The following DMD variants were observed in gnomAD, a reference collection of about 807,000 sequenced individuals.
The protein encoded by DMD is mutant dystrophin.
In DMD, 63 loss-of-function variants were observed where a neutral mutation model predicts 330.1. That is an observed-to-expected ratio of 0.19 (90% CI 0.16 to 0.24). The LOEUF (loss-of-function observed/expected upper bound fraction) is 0.24, where lower values mean the gene tolerates loss of function less well. Ranked by LOEUF, DMD falls within the 10% of genes least tolerant of loss-of-function variation. The probability of loss-of-function intolerance (pLI) is 1.00; values close to 1 mark genes in which losing one functional copy is unlikely to be tolerated. For missense variants in DMD, 3,344 were observed against 2,684.1 expected, an observed-to-expected ratio of 1.25 and a Z score of -5.43; for synonymous variants, 1,223 against 959.8, an observed-to-expected ratio of 1.27 and a Z score of -5.07.
chrX:32,624,539 T>C (rs1015982871), intron 11 of DMD, among the ~76,000 whole-genome samples: 1 of 111,681 alleles, frequency 9.0e-6, no homozygotes, highest in African/African-American at 3.3e-5. Flanking sequence ...GTGCCCAGTG[T>C]TTCTCAAACT....
In DMD at chrX:31,721,718, CTATA is replaced by C. The variant is rs1226368643; in HGVS notation, c.7660+7909_7660+7912del. Among the ~76,000 whole-genome samples, 493 of 56,404 alleles carry C rather than the reference CTATA, an allele frequency of 8.7e-3. 3 individuals carry two copies. Among genetic ancestry groups the C allele is most frequent in the Middle Eastern group, 0.011 (1 of 92 alleles). The allele number at this position is 56,404 out of a possible 115,157, so 49.0% of individuals were successfully genotyped here. On this transcript the variant is annotated intron_variant, in intron 52 of 78. Transcript: ENST00000357033. The stretch of plus-strand genomic sequence containing the variant: ...TCTCTCTCTCTCTCTCTCTCTCTCT[CTATA>C]TATATATATATATATATATATATCT...
intron 44 of DMD, among the ~76,000 whole-genome samples, chrX:32,114,880 A>G (rs1026748825): frequency 8.9e-6 from 1 of 112,320 alleles, no homozygotes; most frequent in African/African-American, 3.2e-5. Flanking sequence ...ACTACATTTT[A>G]ACCTACCACA....
intron 60 of DMD, among the ~76,000 whole-genome samples, chrX:31,376,232 G>A (rs917867161): frequency 8.9e-5 from 10 of 111,844 alleles, no homozygotes; most frequent in East Asian, 2.8e-4. Flanking sequence ...ATAACCTTTC[G>A]AAAAGCACAT....
intron 2 of DMD, among the ~76,000 whole-genome samples, chrX:32,881,993 T>C (rs992737225): frequency 1.4e-4 from 16 of 112,332 alleles, no homozygotes; most frequent in African/African-American, 5.2e-4. Flanking sequence ...AGCAGTTCCC[T>C]AGACGTGCTT....
At chrX:32,160,909 T>C (rs1055681591) in intron 44 of DMD, among the ~76,000 whole-genome samples, 2 of 111,470 alleles carry the variant, frequency 1.8e-5, no homozygotes, top group Admixed American at 1.9e-4. Context: ...TTTGCTAACC[T>C]ATGCAGAGGA....
At chrX:31,554,208 T>C (rs2074665785) in intron 55 of DMD, among the ~76,000 whole-genome samples, 1 of 112,192 alleles carries the variant, frequency 8.9e-6, no homozygotes, top group Admixed American at 9.5e-5. Context: ...GAAGAGAATA[T>C]GAGAGTAAGA....
intron 17 of DMD, among the ~76,000 whole-genome samples, chrX:32,539,173 T>TTTTTTC (rs1556774750): frequency 1.1e-4 from 2 of 18,903 alleles, no homozygotes; most frequent in Admixed American, 1.7e-3. Flanking sequence ...TTTCTATTTC[T>TTTTTTC]TTTTTTTTTT....
At chrX:32,480,637 C>T (rs938745206) in intron 21 of DMD, among the ~76,000 whole-genome samples, 26 of 105,574 alleles carry the variant, frequency 2.5e-4, no homozygotes, top group African/African-American at 7.8e-4. Context: ...TATGTACATA[C>T]GTATATGCAC....
At chrX:32,542,117 G>A (rs228363) in intron 17 of DMD, among the ~76,000 whole-genome samples, 19,213 of 110,503 alleles carry the variant, frequency 0.17, 1,289 homozygotes, top group East Asian at 0.32. Context: ...TCGAATCAAT[G>A]AGAGGAGATA....
At chrX:32,524,538 T>C (rs902822252) in intron 17 of DMD, among the ~76,000 whole-genome samples, 1 of 112,141 alleles carries the variant, frequency 8.9e-6, no homozygotes, top group African/African-American at 3.2e-5. Flanking sequence ...AAACACCTTC[T>C]CTGTAAATTA....
intron 1 of DMD, among the ~76,000 whole-genome samples, chrX:33,251,080 G>A (rs1044254200): frequency 3.6e-5 from 4 of 110,620 alleles, no homozygotes; most frequent in Admixed American, 9.7e-5. Context: ...TGCTGAGCCC[G>A]TACTTTGGAA....
At chrX:32,825,167 G>A (rs1231367885) in intron 4 of DMD, among the ~76,000 whole-genome samples, 1 of 111,650 alleles carries the variant, frequency 9.0e-6, no homozygotes, top group Non-Finnish European at 1.9e-5. Context: ...CAGAGAATAT[G>A]CTATTTTTAG....
intron 60 of DMD, among the ~76,000 whole-genome samples, chrX:31,351,076 G>A (rs780277181): frequency 1.1e-3 from 120 of 110,030 alleles, no homozygotes; most frequent in Non-Finnish European, 1.8e-3. Flanking sequence ...CTTGCAGATA[G>A]CAGGTCATGG....
chrX:32,247,794 A>T (rs1237778429), intron 43 of DMD, among the ~76,000 whole-genome samples: 1 of 111,246 alleles, frequency 9.0e-6, no homozygotes, highest in Non-Finnish European at 1.9e-5. Flanking sequence ...TTCTGTATAT[A>T]TAAATACAGA....
At chrX:31,925,827 G>C (rs755096401) in intron 47 of DMD, among the ~76,000 whole-genome samples, 55 of 103,583 alleles carry the variant, frequency 5.3e-4, no homozygotes, top group Non-Finnish European at 8.8e-4. Flanking sequence ...AGTGGAGATC[G>C]TGCCATTGCA....
At chrX:32,800,957 G>C (rs1480004252) in intron 7 of DMD, among the ~76,000 whole-genome samples, 1 of 111,216 alleles carries the variant, frequency 9.0e-6, no homozygotes, top group Non-Finnish European at 1.9e-5. Context: ...TCATTGATGG[G>C]CATTTGGGTT....
intron 7 of DMD, among the ~76,000 whole-genome samples, chrX:32,711,432 G>A (rs187871913): frequency 0.012 from 1,283 of 111,260 alleles, 9 homozygotes; most frequent in Non-Finnish European, 0.016. Context: ...GGATTGACCA[G>A]ATGGGTCATT....
chrX:31,175,829 A>G (rs2040448432), intron 71 of DMD, among the ~76,000 whole-genome samples: 1 of 111,581 alleles, frequency 9.0e-6, no homozygotes, highest in Non-Finnish European at 1.9e-5. Flanking sequence ...TTAGGTTTCA[A>G]TGCAGAATCG....
At chrX:33,201,089 G>A (rs1216153804) in intron 1 of DMD, among the ~76,000 whole-genome samples, 2 of 108,911 alleles carry the variant, frequency 1.8e-5, no homozygotes, top group South Asian at 4.0e-4. Flanking sequence ...ACGCCACCAC[G>A]TCTGGCTAAT....
Sources: gnomAD v4.1 joint callset for allele counts (sites outside exome capture counted in the v4.1 genomes callset) on GRCh38, gnomAD v4.1.1 for gene constraint, MANE v1.5 for transcripts, NCBI Gene and HGNC (gene_info 2026-07-23, HGNC 2026-07-21) for gene names.